The following FREM1 variants were observed in gnomAD, a reference collection of about 807,000 sequenced individuals.
FREM1 encodes the protein FRAS1-related extracellular matrix protein 1.
FREM1 carries 220 observed loss-of-function variants against 210.1 expected under a neutral mutation model. That is an observed-to-expected ratio of 1.05 (90% CI 0.94 to 1.17). FREM1 has a LOEUF of 1.17. FREM1 is among the 50% of genes most tolerant of loss of function. The pLI is 0.00. For missense variants in FREM1, 3,454 were observed against 2,675.5 expected (o/e 1.29, Z -6.42); for synonymous variants, 1,189 against 980.2 (o/e 1.21, Z -3.98).
chr9:14,820,230 G>C (rs1821039946), intron 13 of FREM1, among the ~76,000 whole-genome samples: 2 of 152,158 alleles, frequency 1.3e-5, no homozygotes, highest in African/African-American at 4.8e-5. Context: ...CATATTCAAG[G>C]CTCTGAGATC....
chr9:14,895,815 G>C (rs1409606126), intron 1 of FREM1, among the ~76,000 whole-genome samples: 1 of 152,028 alleles, frequency 6.6e-6, no homozygotes, highest in African/African-American at 2.4e-5. Context: ...GATCCTCATA[G>C]TTAGGCAGGA....
At chr9:14,872,479 T>G (rs1832858331) in intron 1 of FREM1, among the ~76,000 whole-genome samples, 1 of 152,240 alleles carries the variant, frequency 6.6e-6, no homozygotes, top group African/African-American at 2.4e-5. Flanking sequence ...TGTCTTTTAT[T>G]GGTGTATAAG....
At chr9:14,814,192 G>A (rs954939369) in intron 15 of FREM1, among the ~76,000 whole-genome samples, 21 of 152,124 alleles carry the variant, frequency 1.4e-4, no homozygotes, top group Non-Finnish European at 1.5e-4. Context: ...TAATTTAGGG[G>A]CTTCTATTAT....
chr9:14,759,456 G>T (rs1221956156), intron 28 of FREM1, among the ~76,000 whole-genome samples: 1 of 150,510 alleles, frequency 6.6e-6, no homozygotes, highest in Non-Finnish European at 1.5e-5. Flanking sequence ...GTTGCTGTGA[G>T]CCGAGATTGT....
chr9:14,752,008 T>A (rs901402467), intron 29 of FREM1, among the ~76,000 whole-genome samples: 1 of 150,370 alleles, frequency 6.7e-6, no homozygotes, highest in East Asian at 1.9e-4. Flanking sequence ...ATCTAGTATG[T>A]ATAATAATAC....
chr9:14,902,872 T>A (rs1839030784), intron 1 of FREM1, among the ~76,000 whole-genome samples: 1 of 152,240 alleles, frequency 6.6e-6, no homozygotes, highest in Admixed American at 6.5e-5. Flanking sequence ...GCTGTAGTAA[T>A]GTCTTAAGAA....
At chr9:14,845,104 T>C (rs1249152328) in intron 8 of FREM1, among the ~76,000 whole-genome samples, 1 of 152,224 alleles carries the variant, frequency 6.6e-6, no homozygotes, top group Non-Finnish European at 1.5e-5. Flanking sequence ...ACTAAGAAGA[T>C]AATTGAATTA....
At chr9:14,855,061 T>C (rs1828481120) in intron 5 of FREM1, among the ~76,000 whole-genome samples, 1 of 152,050 alleles carries the variant, frequency 6.6e-6, no homozygotes, top group African/African-American at 2.4e-5. Flanking sequence ...CTAACATAAA[T>C]GATTTAATTA....
At chr9:14,823,133 A>G (rs1220132141) in intron 13 of FREM1, 27 bp downstream of exon 13, 6 of 1,545,932 alleles carry the variant, frequency 3.9e-6, no homozygotes, top group Non-Finnish European at 5.3e-6. Context: ...CCTCCTTTTC[A>G]TCCTCTATAT....
chr9:14,901,878 G>T (rs1253835149), intron 1 of FREM1, among the ~76,000 whole-genome samples: 1 of 152,220 alleles, frequency 6.6e-6, no homozygotes, highest in African/African-American at 2.4e-5. Flanking sequence ...AAGAGATGGG[G>T]TCTCACGCTG....
chr9:14,808,471 T>C (rs1052692627), intron 16 of FREM1, among the ~76,000 whole-genome samples: 1 of 152,198 alleles, frequency 6.6e-6, no homozygotes, highest in Non-Finnish European at 1.5e-5. Context: ...CTTATAATCA[T>C]TTCATGTTAT....
rs372438995 is a variant in FREM1 at position 14,812,988 on chromosome 9, T to C, written c.2717A>G (p.Glu906Gly). The C allele has an allele frequency of 5.6e-6, 9 of 1,613,776 alleles. No individual in the cohort carries two copies. In the African/African-American group the frequency reaches 9.3e-5, roughly 17 times the overall value. Residue 906 changes from glutamate (E) to glycine (G), a missense_variant, in exon 16 of 37, where the codon GAG (glutamate) becomes GGG (glycine). Transcript: ENST00000380880. Reference sequence around the variant, plus strand: ...AATGTATTCAGAGGTGATGACCACCTCTCCTCCCTCTGAGCAATTCATGAC... The same window carrying C: ...AATGTATTCAGAGGTGATGACCACCCCTCCTCCCTCTGAGCAATTCATGAC... The part of the protein sequence containing the change: ...MPVMNCSEGG[E>G]VVITSEYIFA...
Position 14,813,039 on chromosome 9 carries a change from G to A in FREM1, c.2666C>T (p.Pro889Leu), listed in dbSNP as rs746341134. The change falls in exon 16 of 37, where the codon CCA (proline) becomes CTA (leucine). Residue 889 changes from proline to leucine, a missense_variant. Physicochemically the swap from Pro to Leu is moderately conservative, Grantham distance 98. Coordinates refer to ENST00000380880, the MANE Select transcript of FREM1 (RefSeq NM_001379081.2). ...AGGCATGAGGTCAGCCTTTAAGACT[G>A]GTGGCTCATCGTTGACAGGGAATAC... ...VEVFPVNDEP[P>L]VLKADLMPVM... is the part of the protein sequence containing the mutation. The A allele has an allele frequency of 3.1e-6, 5 of 1,610,274 alleles. No individual in the cohort carries two copies. The highest frequency in any genetic ancestry group is 2.2e-5 in the South Asian group (2 of 90,672).
chr9:14,776,809 A>G (rs1318455261), intron 24 of FREM1, among the ~76,000 whole-genome samples: 1 of 152,180 alleles, frequency 6.6e-6, no homozygotes, highest in African/African-American at 2.4e-5. Flanking sequence ...GCTCTGAAAA[A>G]TGAAGGGGAT....
At position 14,784,021 on chromosome 9, in the gene FREM1, G is replaced by A. The variant is rs149567786; in HGVS notation, c.4442+349C>T. 2.5e-3 allele frequency among the ~76,000 whole-genome samples: 374 copies of A among 152,150 alleles called. 1 individual carries two copies. Among genetic ancestry groups the A allele is most frequent in the Middle Eastern group, 0.01 (3 of 294 alleles). On this transcript the variant is annotated intron_variant, in intron 24 of 36. Coordinates refer to ENST00000380880, the MANE Select transcript of FREM1 (RefSeq NM_001379081.2). Reference sequence around the variant, plus strand: ...GCCTCAGCTTTTCACATTTCTCCTCGTAGCAGAACTTGCATAAAGATCTGT... The same window carrying A: ...GCCTCAGCTTTTCACATTTCTCCTCATAGCAGAACTTGCATAAAGATCTGT...
At chr9:14,883,313 C>G (rs188987704) in intron 1 of FREM1, among the ~76,000 whole-genome samples, 267 of 152,252 alleles carry the variant, frequency 1.8e-3, no homozygotes, top group Non-Finnish European at 1.8e-3. Context: ...TCAAACAAAA[C>G]TCATCCTTCA....
intron 17 of FREM1, among the ~76,000 whole-genome samples, chr9:14,807,289 G>C (rs764850151): frequency 6.6e-6 from 1 of 152,166 alleles, no homozygotes; most frequent in Non-Finnish European, 1.5e-5. Flanking sequence ...AGCGTTAATT[G>C]CCTGAGAGCT....
intron 3 of FREM1, among the ~76,000 whole-genome samples, chr9:14,860,181 C>G (rs77594881): frequency 0.069 from 10,491 of 152,032 alleles, 1,119 homozygotes; most frequent in African/African-American, 0.23. Flanking sequence ...ATAACATAAT[C>G]CTTATAAAAA....
chr9:14,866,878 CAG>C (rs1484361550), intron 2 of FREM1, among the ~76,000 whole-genome samples: 1 of 150,238 alleles, frequency 6.7e-6, no homozygotes, highest in Non-Finnish European at 1.5e-5. Flanking sequence ...TTTTTTTTTT[CAG>C]ACAGAGTCTC....
Sources: gnomAD v4.1 joint callset for allele counts (sites outside exome capture counted in the v4.1 genomes callset) on GRCh38, gnomAD v4.1.1 for gene constraint, MANE v1.5 for transcripts, NCBI Gene and HGNC (gene_info 2026-07-23, HGNC 2026-07-21) for gene names.